ADAMTS9: variants seen among roughly 807,000 people sequenced by gnomAD.
The protein encoded by ADAMTS9 is ADAM metallopeptidase with thrombospondin type 1 motif 9, also known as A disintegrin and metalloproteinase with thrombospondin motifs 9.
Under a neutral mutation model 257.1 loss-of-function variants are expected in ADAMTS9, and 107 were observed. That is an observed-to-expected ratio of 0.42 (90% CI 0.36 to 0.49). The LOEUF (loss-of-function observed/expected upper bound fraction) is 0.49, where lower values mean the gene tolerates loss of function less well. ADAMTS9 is among the 20% of genes least tolerant of loss of function. The pLI is 0.03. For missense variants in ADAMTS9, 2,353 were observed against 2,469.1 expected (o/e 0.95, Z 1.00); for synonymous variants, 982 against 880.9 (o/e 1.11, Z -2.03).
chr3:64,534,862 G>A (rs1045796812), intron 37 of ADAMTS9, among the ~76,000 whole-genome samples: 6 of 152,134 alleles, frequency 3.9e-5, no homozygotes, highest in Non-Finnish European at 8.8e-5. Context: ...GCCCACAATA[G>A]AGAATTCTCC....
At chr3:64,649,863 A>G (rs937715163) in intron 9 of ADAMTS9, 85 bp from the exon 10 acceptor site, 94 of 1,458,114 alleles carry the variant, frequency 6.4e-5, no homozygotes, top group Non-Finnish European at 8.5e-5. Context: ...CCACCCCACC[A>G]TTGTAATGGT....
At chr3:64,648,151 A>T (rs1700842291) in intron 10 of ADAMTS9, 107 bp from the exon 11 acceptor site, 4 of 969,110 alleles carry the variant, frequency 4.1e-6, no homozygotes, top group African/African-American at 3.3e-5. Flanking sequence ...ACATAGGGTA[A>T]GTGGGGAAGG....
In ADAMTS9 at chr3:64,518,763, C is replaced by CTTTT. The variant is rs1491154708; in HGVS notation, c.*6-1643_*6-1642insAAAA. Among the ~76,000 whole-genome samples the CTTTT allele has an allele frequency of 1.6e-4, 14 of 88,726 alleles. 1 individual carries two copies. Among genetic ancestry groups the CTTTT allele is most frequent in the Admixed American group, 1.1e-3 (8 of 7,272 alleles). 58.2% of individuals were successfully genotyped at this position (88,726 alleles called of 152,430 possible). ...CCGAGGGAATTTATCATTACCTTTT[C>CTTTT]ATTTTTTTTTTTTTTTTTTTTTTTT... On this transcript the variant is annotated intron_variant, in intron 39 of 39. Transcript: ENST00000498707.
At chr3:64,667,530 G>A (rs1197560574) in intron 3 of ADAMTS9, among the ~76,000 whole-genome samples, 2 of 152,164 alleles carry the variant, frequency 1.3e-5, no homozygotes, top group African/African-American at 2.4e-5. Flanking sequence ...TTTAAGGGGC[G>A]GTGGTGGGCA....
intron 22 of ADAMTS9, among the ~76,000 whole-genome samples, chr3:64,612,017 A>T (rs1055619553): frequency 2.0e-5 from 3 of 152,234 alleles, no homozygotes; most frequent in African/African-American, 4.8e-5. Context: ...ATATTAATTT[A>T]AAAAATATTA....
At chr3:64,615,221 T>C (rs1576119606) in intron 21 of ADAMTS9, 100 bp downstream of exon 21, 1 of 1,340,736 alleles carries the variant, frequency 7.5e-7, no homozygotes, top group East Asian at 2.4e-5. Flanking sequence ...AAGGGAGAGG[T>C]GGGAGAAAGG....
chr3:64,687,012 C>T lies in ADAMTS9; in HGVS notation c.116-44G>A. 6.4e-7 allele frequency: 1 copy of T among 1,564,898 alleles called. No individual in the cohort carries two copies. Among genetic ancestry groups the T allele is most frequent in the Non-Finnish European group, 8.6e-7 (1 of 1,157,244 alleles). On this transcript the variant is annotated intron_variant, in intron 1 of 39. Transcript: ENST00000498707. The surrounding 1 kb of genome is among the most constrained non-coding windows in gnomAD (Gnocchi z 4.4). The stretch of plus-strand genomic sequence containing the variant: ...GTATATGAACCAATAATTCATTTTT[C>T]CTTAAGCTTTAATTTAAAACGAAGG...
intron 39 of ADAMTS9, among the ~76,000 whole-genome samples, chr3:64,518,323 G>A (rs947331204): frequency 1.3e-5 from 2 of 152,068 alleles, no homozygotes; most frequent in African/African-American, 4.8e-5. Context: ...TGTCAAATAG[G>A]CACTCTTGTA....
chr3:64,596,905 C>G lies in ADAMTS9; in HGVS notation c.4104G>C (p.Glu1368Asp). 6.2e-7 allele frequency: 1 copy of G among 1,614,038 alleles called. No individual in the cohort carries two copies. The highest frequency in any genetic ancestry group is 8.5e-7 in the Non-Finnish European group (1 of 1,179,984). The change falls in exon 27 of 40, where the codon GAG becomes GAC. Residue 1368 changes from glutamate (E) to aspartate (D), a missense_variant. This residue lies in a region of ADAMTS9 where 1,402 missense variants were observed against 1,441.4 expected (regional missense o/e 0.97). Transcript: ENST00000498707. ...ENGYTANDCV[E>D]RIKPDEQRAC... ...CTCTTTGCTCATCAGGTTTTATTCT[C>G]TCCACACAGTCGTTTGCGGTGTATC...
intron 22 of ADAMTS9, among the ~76,000 whole-genome samples, chr3:64,612,837 G>C (rs373374295): frequency 2.6e-5 from 4 of 152,152 alleles, no homozygotes; most frequent in African/African-American, 7.2e-5. Context: ...ACTTGGAAAA[G>C]ATTATTTCCA....
intron 28 of ADAMTS9, among the ~76,000 whole-genome samples, chr3:64,576,765 C>T (rs747843269): frequency 1.1e-4 from 16 of 152,278 alleles, no homozygotes; most frequent in East Asian, 5.8e-4. Flanking sequence ...GCCTTTGCAA[C>T]GCTACAAAGG....
intron 30 of ADAMTS9, among the ~76,000 whole-genome samples, chr3:64,553,207 C>A (rs568540514): frequency 6.6e-6 from 1 of 152,150 alleles, no homozygotes; most frequent in Admixed American, 6.5e-5. Context: ...CAGTCCCTCC[C>A]CATTCCTTCC....
intron 3 of ADAMTS9, among the ~76,000 whole-genome samples, chr3:64,675,883 G>C (rs1214304156): frequency 6.6e-6 from 1 of 152,164 alleles, no homozygotes; most frequent in African/African-American, 2.4e-5. Flanking sequence ...GTGTAGCATA[G>C]TGATCCCATA....
intron 3 of ADAMTS9, among the ~76,000 whole-genome samples, chr3:64,671,908 C>T (rs1321537510): frequency 6.6e-6 from 1 of 152,170 alleles, no homozygotes; most frequent in Non-Finnish European, 1.5e-5. Flanking sequence ...ATAAAGAAAC[C>T]ATCTTTGGCA....
chr3:64,603,821 T>C, intron 25 of ADAMTS9, 101 bp downstream of exon 25: 2 of 1,279,636 alleles, frequency 1.6e-6, no homozygotes, highest in Admixed American at 2.0e-5. Flanking sequence ...CTCTGAAATA[T>C]TACCCATTGA....
At chr3:64,586,179 C>T (rs1354658853) in intron 28 of ADAMTS9, among the ~76,000 whole-genome samples, 1 of 152,100 alleles carries the variant, frequency 6.6e-6, no homozygotes, top group Non-Finnish European at 1.5e-5. Context: ...TCTGATGGTG[C>T]TGACTTCATC....
intron 30 of ADAMTS9, among the ~76,000 whole-genome samples, chr3:64,559,805 T>C (rs62247577): frequency 0.048 from 7,271 of 152,352 alleles, 225 homozygotes; most frequent in Non-Finnish European, 0.072. Context: ...TGATTGGCTC[T>C]AGCATTTTCA....
chr3:64,565,265 T>C (rs1248385536), intron 29 of ADAMTS9: 3 of 152,216 alleles, frequency 2.0e-5, no homozygotes, highest in Non-Finnish European at 4.4e-5. Context: ...GCTCTAATTA[T>C]AATTATAAGA....
rs74693493 is a variant in ADAMTS9, at chr3:64,641,179, G to A, written c.1856+669C>T. On this transcript the variant is annotated intron_variant, in intron 12 of 39. Transcript: ENST00000498707. ...GAAGGAATATATTAGTCTACAAACTGGATGAAAATGTCCAATTTTTTTGTT... is the reference window on the plus strand; with the variant it reads ...GAAGGAATATATTAGTCTACAAACTAGATGAAAATGTCCAATTTTTTTGTT... 9.9e-5 allele frequency among the ~76,000 whole-genome samples: 15 copies of A among 151,938 alleles called. No individual in the cohort carries two copies. The East Asian group carries it at 2.5e-3, about 25-fold the overall frequency.
Sources: allele counts gnomAD v4.1 joint callset (sites outside exome capture counted in the v4.1 genomes callset), GRCh38; gene constraint gnomAD v4.1.1; regional missense constraint gnomAD v4.1.1; non-coding constraint Gnocchi (gnomAD v3.1); transcripts MANE v1.5; gene names NCBI Gene and HGNC (gene_info 2026-07-23, HGNC 2026-07-21).